Variants in STAB2 observed in about 807,000 individuals in gnomAD.
The protein encoded by STAB2 is stabilin-2.
STAB2 carries 288 observed loss-of-function variants against 338.1 expected under a neutral mutation model. The observed-to-expected ratio is 0.85, with a 90% CI of 0.77 to 0.94. The LOEUF (loss-of-function observed/expected upper bound fraction) is 0.94, where lower values mean the gene tolerates loss of function less well. Ranked by LOEUF, STAB2 falls within the 40% of genes least tolerant of loss-of-function variation. The pLI is 0.00. For missense variants in STAB2, 3,141 were observed against 3,210.1 expected, an observed-to-expected ratio of 0.98 and a Z score of 0.52; for synonymous variants, 1,202 against 1,193.3, an observed-to-expected ratio of 1.01 and a Z score of -0.15.
At chr12:103,597,437 A>G (rs1454151737) in intron 3 of STAB2, among the ~76,000 whole-genome samples, 1 of 152,216 alleles carries the variant, frequency 6.6e-6, no homozygotes, top group East Asian at 1.9e-4. Flanking sequence ...TCAAAAATTA[A>G]TATATCTCAC....
chr12:103,652,506 A>G, intron 11 of STAB2, 50 bp from the exon 12 acceptor site: 2 of 1,505,528 alleles, frequency 1.3e-6, no homozygotes, highest in East Asian at 2.4e-5. Context: ...ATGTGTTACA[A>G]AACTCATTTT....
At chr12:103,758,131 C>G (rs370589581) in intron 63 of STAB2, 39 bp from the exon 64 acceptor site, 58 of 1,612,874 alleles carry the variant, frequency 3.6e-5, no homozygotes, top group Non-Finnish European at 4.4e-5. Context: ...CCCTGCACAC[C>G]AGGGCTGGCC....
intron 51 of STAB2, among the ~76,000 whole-genome samples, chr12:103,733,882 GATCATATAGGAGCAAGCACA>G (rs1409612476): frequency 0.031 from 4,604 of 149,412 alleles, 222 homozygotes; most frequent in African/African-American, 0.11. Flanking sequence ...GAGCAAGCAC[GATCATATAGGAGCAAGCACA>G]ATCACATAGG....
At chr12:103,651,547 C>T (rs1228815925) in intron 11 of STAB2, among the ~76,000 whole-genome samples, 2 of 151,282 alleles carry the variant, frequency 1.3e-5, no homozygotes, top group Admixed American at 6.6e-5. Flanking sequence ...CTCCTGACCT[C>T]GTGATCTGCC....
At chr12:103,691,627 A>G (rs1877945199) in intron 30 of STAB2, among the ~76,000 whole-genome samples, 1 of 152,228 alleles carries the variant, frequency 6.6e-6, no homozygotes, top group Non-Finnish European at 1.5e-5. Flanking sequence ...CTAAACACCC[A>G]TCTGGGCAGG....
chr12:103,745,562 T>G (rs1882963370), intron 57 of STAB2, among the ~76,000 whole-genome samples: 1 of 152,180 alleles, frequency 6.6e-6, no homozygotes, highest in South Asian at 2.1e-4. Context: ...GCAAGGACTG[T>G]GCCTTGTCTT....
At chr12:103,725,136 TA>T in intron 45 of STAB2, 42 bp downstream of exon 45, 1 of 1,588,992 alleles carries the variant, frequency 6.3e-7, no homozygotes. Flanking sequence ...TCTACTTCCC[TA>T]AAAATGCCAA....
At position 103,734,572 on chromosome 12, in the gene STAB2, C is replaced by T. The variant is rs181045238; in HGVS notation, c.5461-919C>T. Among the ~76,000 whole-genome samples the T allele has an allele frequency of 7.0e-4, 107 of 152,306 alleles. 2 individuals carry two copies. Among genetic ancestry groups the T allele is most frequent in the African/African-American group, 1.8e-3 (76 of 41,574 alleles). Reference sequence around the variant, plus strand: ...GCACAATCATATAGGAACATGGCAGCCATCCTGAGTCCTCATCCAGGACTC... The same window carrying T: ...GCACAATCATATAGGAACATGGCAGTCATCCTGAGTCCTCATCCAGGACTC... On this transcript the variant is annotated intron_variant, in intron 51 of 68. Coordinates refer to ENST00000388887, the MANE Select transcript of STAB2 (RefSeq NM_017564.10).
chr12:103,735,635 T>C, intron 52 of STAB2, 55 bp downstream of exon 52: 2 of 1,309,394 alleles, frequency 1.5e-6, no homozygotes, highest in Admixed American at 4.5e-5. Flanking sequence ...CACAGCAAGC[T>C]ATTCCCCAAC....
At chr12:103,591,547 T>C (rs1363454336) in intron 2 of STAB2, among the ~76,000 whole-genome samples, 8 of 152,340 alleles carry the variant, frequency 5.3e-5, no homozygotes, top group Middle Eastern at 6.8e-3. Flanking sequence ...TATTTTGTAT[T>C]GCACATAAAC....
intron 15 of STAB2, among the ~76,000 whole-genome samples, chr12:103,656,972 C>T (rs1174798748): frequency 6.6e-6 from 1 of 152,030 alleles, no homozygotes; most frequent in African/African-American, 2.4e-5. Context: ...AGGCGTGAGC[C>T]ACCGCGCCCG....
chr12:103,629,810 G>A (rs921617689), intron 5 of STAB2, among the ~76,000 whole-genome samples: 1 of 152,150 alleles, frequency 6.6e-6, no homozygotes, highest in Non-Finnish European at 1.5e-5. Flanking sequence ...ATTAGATTTT[G>A]ATCTCTTTGA....
intron 20 of STAB2, 100 bp downstream of exon 20, chr12:103,668,829 C>T (rs1389125747): frequency 2.0e-5 from 21 of 1,064,578 alleles, no homozygotes; most frequent in Non-Finnish European, 2.5e-5. Flanking sequence ...ACAGGTGGCC[C>T]GTGCTTGCTG....
At chr12:103,632,882 CCACT>C (rs1435236199) in intron 6 of STAB2, among the ~76,000 whole-genome samples, 1 of 152,232 alleles carries the variant, frequency 6.6e-6, no homozygotes, top group Non-Finnish European at 1.5e-5. Flanking sequence ...TCTGCCTCTG[CCACT>C]AGCCTCATTT....
At chr12:103,677,664 T>C (rs1313356860) in intron 25 of STAB2, 53 bp downstream of exon 25, 6 of 1,576,610 alleles carry the variant, frequency 3.8e-6, no homozygotes, top group Non-Finnish European at 2.6e-6. Flanking sequence ...GCAGTGACTT[T>C]GCTTTCCCCT....
chr12:103,620,975 T>C (rs1957292216), intron 4 of STAB2, among the ~76,000 whole-genome samples: 1 of 151,956 alleles, frequency 6.6e-6, no homozygotes, highest in Non-Finnish European at 1.5e-5. Flanking sequence ...TGGGCGCCTA[T>C]AGTCCCAGCT....
intron 19 of STAB2, among the ~76,000 whole-genome samples, chr12:103,667,546 GGGAAAAGAAA>G (rs1875250154): frequency 2.0e-5 from 3 of 152,042 alleles, no homozygotes; most frequent in Admixed American, 1.3e-4. Context: ...AGAAGGAAGA[GGGAAAAGAAA>G]GGGAAATTAG....
intron 58 of STAB2, among the ~76,000 whole-genome samples, chr12:103,748,104 A>G (rs1207506232): frequency 1.3e-5 from 2 of 152,190 alleles, no homozygotes; most frequent in Non-Finnish European, 2.9e-5. Flanking sequence ...TCATGGATAA[A>G]TATTCACAGA....
At chr12:103,656,719 G>A (rs1030877501) in intron 15 of STAB2, among the ~76,000 whole-genome samples, 7 of 131,472 alleles carry the variant, frequency 5.3e-5, no homozygotes, top group Admixed American at 1.9e-4. Flanking sequence ...TCGCTCTGTC[G>A]CCCAGGCCGG....
Sources: allele counts gnomAD v4.1 joint callset (sites outside exome capture counted in the v4.1 genomes callset), GRCh38; gene constraint gnomAD v4.1.1; transcripts MANE v1.5; gene names NCBI Gene and HGNC (gene_info 2026-07-23, HGNC 2026-07-21).